UBE2O: variants seen among roughly 807,000 people sequenced by gnomAD.
UBE2O encodes the protein (E3-independent) E2 ubiquitin-conjugating enzyme.
UBE2O carries 15 observed loss-of-function variants against 125.8 expected under a neutral mutation model. The observed-to-expected ratio is 0.12, with a 90% CI of 0.08 to 0.18. UBE2O has a LOEUF of 0.18. Among genes scored for constraint, UBE2O ranks in the 10% least tolerant of loss-of-function variants. The pLI, the probability that UBE2O is intolerant of heterozygous loss-of-function variation, is 1.00. For missense variants in UBE2O, 1,280 were observed against 1,723.6 expected (o/e 0.74, Z 4.56); for synonymous variants, 708 against 703.2 (o/e 1.01, Z -0.11).
Position 76,448,322 on chromosome 17 carries a change from A to G in UBE2O, c.417+4403T>C, listed in dbSNP as rs558011635. ...AGTCCTGCATCTTGGTTAACCTTAT[A>G]TAACTTCTTCACATTACATCACTAA... is the stretch of plus-strand genomic sequence containing the variant. On this transcript the variant is annotated intron_variant, in intron 1 of 17. Transcript: ENST00000319380. 4.6e-5 allele frequency among the ~76,000 whole-genome samples: 7 copies of G among 152,388 alleles called. No homozygotes were observed. In the South Asian group the frequency reaches 1.0e-3, roughly 23 times the overall value.
At chr17:76,438,879 C>T (rs1422696066) in intron 1 of UBE2O, among the ~76,000 whole-genome samples, 1 of 152,106 alleles carries the variant, frequency 6.6e-6, no homozygotes, top group Non-Finnish European at 1.5e-5. Flanking sequence ...GCATAGGTGA[C>T]GCCATGCACA....
intron 1 of UBE2O, among the ~76,000 whole-genome samples, chr17:76,441,104 T>G (rs984224285): frequency 6.6e-5 from 10 of 152,182 alleles, no homozygotes; most frequent in Admixed American, 1.3e-4. Context: ...AGTCTTTCCT[T>G]TTCTAAAATG....
At position 76,391,868 on chromosome 17, in the gene UBE2O, G is replaced by A; in HGVS notation, c.3150+42C>T. 1 of 1,613,718 alleles carries A rather than the reference G, an allele frequency of 6.2e-7. No homozygotes were observed. Among genetic ancestry groups the A allele is most frequent in the Admixed American group, 1.7e-5 (1 of 59,962 alleles). On this transcript the variant is annotated intron_variant, in intron 16 of 17. Transcript: ENST00000319380. The surrounding 1 kb of genome is among the most constrained non-coding windows in gnomAD (Gnocchi z 8.4). ...TTCCCCAGGCCCCTATCCACCAGTG[G>A]CTCTTCCTCCTTCTTGGCTGGGGGC... is the stretch of plus-strand genomic sequence containing the variant.
At chr17:76,426,315 C>T (rs569458680) in intron 1 of UBE2O, among the ~76,000 whole-genome samples, 1 of 152,292 alleles carries the variant, frequency 6.6e-6, no homozygotes, top group East Asian at 1.9e-4. Context: ...GAACTTTTTT[C>T]TACTCTACTT....
In UBE2O at chr17:76,414,169, G is replaced by A. The variant is rs942577843; in HGVS notation, c.418-8597C>T. 5.3e-5 allele frequency among the ~76,000 whole-genome samples: 8 copies of A among 152,232 alleles called. No homozygotes were observed. The South Asian group carries it at 8.3e-4, about 16-fold the overall frequency. ...AGGGGAGGGAGAACCTCCGGAAATG[G>A]CTGGAAGTAAAAGAAATGTTGGTGC... On this transcript the variant is annotated intron_variant, in intron 1 of 17. Coordinates refer to ENST00000319380, the MANE Select transcript of UBE2O (RefSeq NM_022066.4).
intron 1 of UBE2O, among the ~76,000 whole-genome samples, chr17:76,441,403 C>G (rs1437155986): frequency 6.6e-6 from 1 of 152,220 alleles, no homozygotes; most frequent in Non-Finnish European, 1.5e-5. Flanking sequence ...CTTTCTAACA[C>G]TAAAGCACTG....
intron 1 of UBE2O, among the ~76,000 whole-genome samples, chr17:76,419,350 A>AT (rs1224079533): frequency 6.6e-6 from 1 of 151,984 alleles, no homozygotes; most frequent in Non-Finnish European, 1.5e-5. Flanking sequence ...CTACTTAGGA[A>AT]TATTTGTCTT....
At chr17:76,435,218 A>C (rs1453563961) in intron 1 of UBE2O, among the ~76,000 whole-genome samples, 1 of 152,196 alleles carries the variant, frequency 6.6e-6, no homozygotes, top group Non-Finnish European at 1.5e-5. Flanking sequence ...TTGTACAGAA[A>C]GCTACTATTT....
In UBE2O at chr17:76,453,044, ACGGGGG is replaced by A; in HGVS notation, c.92_97del (p.Ala31_Pro32del). 7.1e-7 allele frequency: 1 copy of A among 1,408,016 alleles called. No homozygotes were observed. Among genetic ancestry groups the A allele is most frequent in the Non-Finnish European group, 9.3e-7 (1 of 1,077,272 alleles). 87.2% of individuals were successfully genotyped at this position (1,408,016 alleles called of 1,614,324 possible). ...GTCCGAGGCGGGCGCCGGCGCCGGG[ACGGGGG>A]CTGCGGCTGGGGCCGGGACTGCCTC... On this transcript the variant is annotated inframe_deletion, in exon 1 of 18. Transcript: ENST00000319380.
At chr17:76,425,377 T>C (rs973586046) in intron 1 of UBE2O, among the ~76,000 whole-genome samples, 19 of 151,596 alleles carry the variant, frequency 1.3e-4, no homozygotes, top group Non-Finnish European at 1.2e-4. Context: ...AAAAAAAACA[T>C]AGTACTAAAA....
chr17:76,447,977 G>A (rs9896887), intron 1 of UBE2O, among the ~76,000 whole-genome samples: 35,666 of 152,120 alleles, frequency 0.23, 4,557 homozygotes, highest in East Asian at 0.49. Flanking sequence ...ATCATATCGG[G>A]GTTAGGAAGA....
intron 1 of UBE2O, among the ~76,000 whole-genome samples, chr17:76,433,713 GAAAA>G (rs905167407): frequency 7.4e-6 from 1 of 135,786 alleles, no homozygotes; most frequent in African/African-American, 2.7e-5. Context: ...CTCCATCTCA[GAAAA>G]AAAAAAAAGA....
At chr17:76,417,866 C>A (rs1168758154) in intron 1 of UBE2O, among the ~76,000 whole-genome samples, 4 of 152,186 alleles carry the variant, frequency 2.6e-5, no homozygotes, top group Non-Finnish European at 5.9e-5. Flanking sequence ...ACTGCACCTG[C>A]AGAATTGGGC....
At position 76,449,143 on chromosome 17, in the gene UBE2O, ATC is replaced by A. The variant is rs1345425965; in HGVS notation, c.417+3580_417+3581del. On this transcript the variant is annotated intron_variant, in intron 1 of 17. Transcript: ENST00000319380. The stretch of plus-strand genomic sequence containing the variant: ...ACATGACTTGCTGCCCAGTCTCTTC[ATC>A]TCTCTTTGTAAATTTGTTCACTAAA... Among the ~76,000 whole-genome samples the A allele has an allele frequency of 2.0e-5, 3 of 152,388 alleles. No homozygotes were observed. In the South Asian group the frequency reaches 6.2e-4, roughly 32 times the overall value.
chr17:76,446,070 G>C (rs1175423628), intron 1 of UBE2O, among the ~76,000 whole-genome samples: 1 of 152,224 alleles, frequency 6.6e-6, no homozygotes, highest in Non-Finnish European at 1.5e-5. Context: ...AGACGTTCCT[G>C]ATTGTAACTT....
At chr17:76,392,345 C>G (rs1240583946) in intron 15 of UBE2O, among the ~76,000 whole-genome samples, 1 of 151,970 alleles carries the variant, frequency 6.6e-6, no homozygotes, top group Non-Finnish European at 1.5e-5. Flanking sequence ...GCTGTGTCCC[C>G]CAGGCTGGAG....
intron 1 of UBE2O, among the ~76,000 whole-genome samples, chr17:76,444,107 G>C (rs886476731): frequency 1.3e-5 from 2 of 152,272 alleles, no homozygotes; most frequent in Non-Finnish European, 2.9e-5. Context: ...TGTAATCCCA[G>C]CTACTTGGGA....
chr17:76,398,718 T>C lies in UBE2O; in HGVS notation c.1783+119A>G, dbSNP rs2072260321. On this transcript the variant is annotated intron_variant, in intron 10 of 17. Transcript: ENST00000319380. This position sits in a 1 kb window ranked among gnomAD's most constrained non-coding sequence, Gnocchi z 5.4. ...TGGTGAGACCCCTTCATGAGGGCAG[T>C]CCCCTTCTGGACCTCATTTTAGCTC... 1 of 1,472,800 alleles carries C rather than the reference T, an allele frequency of 6.8e-7. No individual in the cohort carries two copies. Among genetic ancestry groups the C allele is most frequent in the South Asian group, 1.2e-5 (1 of 80,716 alleles). 91.2% of individuals were successfully genotyped at this position (1,472,800 alleles called of 1,614,324 possible). A position where few individuals can be genotyped will look rare whatever the true frequency, so the allele number is the denominator to read the frequency against.
intron 15 of UBE2O, among the ~76,000 whole-genome samples, chr17:76,394,510 T>G (rs2072170949): frequency 6.6e-6 from 1 of 152,196 alleles, no homozygotes; most frequent in South Asian, 2.1e-4. Flanking sequence ...ACTAGATCAT[T>G]ATGAATCAAC....
Sources: allele counts gnomAD v4.1 joint callset (sites outside exome capture counted in the v4.1 genomes callset), GRCh38; gene constraint gnomAD v4.1.1; non-coding constraint Gnocchi (gnomAD v3.1); transcripts MANE v1.5; gene names NCBI Gene and HGNC (gene_info 2026-07-23, HGNC 2026-07-21).